Variants in TMEM161B observed in about 807,000 individuals in gnomAD.
TMEM161B encodes transmembrane protein 161B.
In TMEM161B, 34 loss-of-function variants were observed where a neutral mutation model predicts 61.8. The ratio of observed to expected loss-of-function variants is 0.55; its 90% CI spans 0.42 to 0.73. The LOEUF is 0.73. Ranked by LOEUF, TMEM161B falls within the 30% of genes least tolerant of loss-of-function variation. The pLI, the probability that TMEM161B is intolerant of heterozygous loss-of-function variation, is 0.00. For missense variants in TMEM161B, 456 were observed against 558.5 expected (o/e 0.82, Z 1.85); for synonymous variants, 167 against 192.8 (o/e 0.87, Z 1.11).
intron 2 of TMEM161B, among the ~76,000 whole-genome samples, chr5:88,229,427 C>T (rs1750602590): frequency 6.6e-6 from 1 of 151,934 alleles, no homozygotes; most frequent in African/African-American, 2.4e-5. Context: ...CACTGGTATC[C>T]TCCCTGCCTT....
chr5:88,206,969 T>C, intron 6 of TMEM161B, 60 bp downstream of exon 6: 1 of 1,476,168 alleles, frequency 6.8e-7, no homozygotes, highest in Non-Finnish European at 9.3e-7. Context: ...AATACTGAAG[T>C]CAAAAATATT....
rs761300396 is a variant in TMEM161B, at chr5:88,240,923, A to T, written c.4-7T>A. 6.6e-7 allele frequency: 1 copy of T among 1,515,452 alleles called. No individual in the cohort carries two copies. The highest frequency in any genetic ancestry group is 1.3e-5 in the South Asian group (1 of 78,880). The allele number at this position is 1,515,452 out of a possible 1,614,324, so 93.9% of individuals were successfully genotyped here. On this transcript the variant is annotated splice_polypyrimidine_tract_variant and splice_region_variant and intron_variant, in intron 1 of 11. Coordinates refer to ENST00000296595, the MANE Select transcript of TMEM161B (RefSeq NM_153354.5). ...GCTGTATACCTATCACACCCTGTGT[A>T]AAAAAAACAAACAAATTTAATAATG...
chr5:88,221,548 T>C (rs981756168), intron 4 of TMEM161B: 1 of 364,432 alleles, frequency 2.7e-6, no homozygotes, highest in Non-Finnish European at 5.4e-6. Context: ...CCTATTTTGT[T>C]CTGCAAAAAA....
intron 1 of TMEM161B, among the ~76,000 whole-genome samples, chr5:88,251,457 C>T (rs559346938): frequency 6.6e-6 from 1 of 152,186 alleles, no homozygotes; most frequent in Middle Eastern, 3.4e-3. Flanking sequence ...TCTTAAAAGG[C>T]AGTTTCAGAT....
chr5:88,237,923 T>C (rs542785914), intron 2 of TMEM161B, among the ~76,000 whole-genome samples: 3 of 152,232 alleles, frequency 2.0e-5, no homozygotes, highest in African/African-American at 7.2e-5. Context: ...AATGGCTTAC[T>C]CATTAAGTCG....
intron 3 of TMEM161B, 21 bp downstream of exon 3, chr5:88,228,424 T>C: frequency 6.6e-7 from 1 of 1,524,020 alleles, no homozygotes; most frequent in Non-Finnish European, 9.0e-7. Flanking sequence ...TTTATTACTT[T>C]ACAAGCTCAA....
chr5:88,261,730 C>CAAAAAAAAAAAAAAAAAAAA (rs70996464), intron 1 of TMEM161B, among the ~76,000 whole-genome samples: 1 of 49,292 alleles, frequency 2.0e-5, no homozygotes, highest in Admixed American at 2.6e-4. Flanking sequence ...CATTCATGTG[C>CAAAAAAAAAAAAAAAAAAAA]AAAAAAAAAA....
intron 1 of TMEM161B, among the ~76,000 whole-genome samples, chr5:88,266,462 A>C (rs1296675748): frequency 6.6e-6 from 1 of 152,244 alleles, no homozygotes; most frequent in Admixed American, 6.5e-5. Context: ...GAAACATGTA[A>C]CTATCCTCAA....
chr5:88,203,431 G>T (rs1744790893), intron 8 of TMEM161B, among the ~76,000 whole-genome samples: 1 of 151,858 alleles, frequency 6.6e-6, no homozygotes, highest in African/African-American at 2.4e-5. Context: ...TAATAAGCAG[G>T]TATTTAATGA....
Position 88,220,648 on chromosome 5 carries a change from T to C in TMEM161B, c.361A>G (p.Thr121Ala). 6.2e-7 allele frequency: 1 copy of C among 1,601,602 alleles called. No homozygotes were observed. Among genetic ancestry groups the C allele is most frequent in the Non-Finnish European group, 8.5e-7 (1 of 1,176,630 alleles). The stretch of plus-strand genomic sequence containing the variant: ...TTCATAAAATTGTAGTAGACTTCAG[T>C]TACTAGATACACAACTGTAGCAGCC... ...TVAATVVYLV[T>A]EVYYNFMKPT... The change falls in exon 5 of 12, where the codon ACT becomes GCT. Residue 121 changes from threonine (T) to alanine (A), a missense_variant. Around this residue, in one of 3 missense-constraint regions of TMEM161B, gnomAD observed 367 missense variants for 427.3 expected, o/e 0.86. Transcript: ENST00000296595.
At position 88,205,808 on chromosome 5, in the gene TMEM161B, G is replaced by A. The variant is rs761383450; in HGVS notation, c.800+6C>T. On this transcript the variant is annotated splice_donor_region_variant and intron_variant, in intron 8 of 11. Coordinates refer to ENST00000296595, the MANE Select transcript of TMEM161B (RefSeq NM_153354.5). The stretch of plus-strand genomic sequence containing the variant: ...CTGCATGTGCTTATGTACATTTTCC[G>A]CTTACTGTGTAATTTTTTCTGTTGC... 6.8e-6 allele frequency: 11 copies of A among 1,611,564 alleles called. No homozygotes were observed. The highest frequency in any genetic ancestry group is 3.3e-5 in the Admixed American group (2 of 59,852).
downstream of TMEM161B, among the ~76,000 whole-genome samples, chr5:88,192,020 A>ATG (rs1474209749): frequency 2.5e-5 from 2 of 78,926 alleles, no homozygotes; most frequent in African/African-American, 5.0e-5. Context: ...ATATATATAT[A>ATG]TATATATGTA....
downstream of TMEM161B, among the ~76,000 whole-genome samples, chr5:88,186,839 G>A (rs1004055036): frequency 2.0e-5 from 3 of 152,084 alleles, no homozygotes; most frequent in Middle Eastern, 3.4e-3. Flanking sequence ...GGAGGCAGAG[G>A]TTGCAGTGAG....
chr5:88,213,519 A>G (rs916078480), intron 5 of TMEM161B, among the ~76,000 whole-genome samples: 2 of 151,972 alleles, frequency 1.3e-5, no homozygotes, highest in African/African-American at 4.8e-5. Context: ...AATAGCCAAA[A>G]ATTTCTGAAA....
chr5:88,201,537 T>C (rs1048008147), intron 9 of TMEM161B: 2 of 152,072 alleles, frequency 1.3e-5, no homozygotes, highest in Non-Finnish European at 2.9e-5. Context: ...TAATAACTGG[T>C]ATATAAGTGT....
chr5:88,206,744 T>C (rs926176146), intron 6 of TMEM161B, among the ~76,000 whole-genome samples: 1 of 152,122 alleles, frequency 6.6e-6, no homozygotes, highest in Non-Finnish European at 1.5e-5. Context: ...TTTGCATTAA[T>C]TCTTCAACTA....
chr5:88,264,837 A>T (rs1756158716), intron 1 of TMEM161B, among the ~76,000 whole-genome samples: 1 of 152,136 alleles, frequency 6.6e-6, no homozygotes, highest in South Asian at 2.1e-4. Flanking sequence ...TAACACAGGA[A>T]CAGAAAACCA....
intron 1 of TMEM161B, among the ~76,000 whole-genome samples, chr5:88,262,716 CA>C: frequency 6.6e-6 from 1 of 152,076 alleles, no homozygotes; most frequent in East Asian, 1.9e-4. Context: ...GAATGAACCC[CA>C]AAGTACACTA....
At chr5:88,203,814 T>TATATATAA in intron 8 of TMEM161B, among the ~76,000 whole-genome samples, 1 of 90,186 alleles carries the variant, frequency 1.1e-5, no homozygotes, top group African/African-American at 5.4e-5. Flanking sequence ...TATATATATA[T>TATATATAA]AATTTGCATT....
Sources: allele counts gnomAD v4.1 joint callset (sites outside exome capture counted in the v4.1 genomes callset), GRCh38; gene constraint gnomAD v4.1.1; regional missense constraint gnomAD v4.1.1; transcripts MANE v1.5; gene names NCBI Gene and HGNC (gene_info 2026-07-23, HGNC 2026-07-21).